The following GSE1 variants were observed in gnomAD, a reference collection of about 807,000 sequenced individuals.
GSE1 encodes Gse1 coiled-coil protein.
GSE1 carries 32 observed loss-of-function variants against 112.6 expected under a neutral mutation model. The ratio of observed to expected loss-of-function variants is 0.28; its 90% CI spans 0.21 to 0.38. GSE1 has a LOEUF of 0.38. Ranked by LOEUF, GSE1 falls within the 10% of genes least tolerant of loss-of-function variation. GSE1 has a pLI of 1.00. For missense variants in GSE1, 2,348 were observed against 1,699.2 expected (o/e 1.38, Z -6.71); for synonymous variants, 1,115 against 735.6 (o/e 1.52, Z -8.35).
At chr16:85,398,505 A>G (rs1413235930) in intron 2 of GSE1, among the ~76,000 whole-genome samples, 2 of 151,874 alleles carry the variant, frequency 1.3e-5, no homozygotes, top group Non-Finnish European at 2.9e-5. Context: ...TACCCCTGCA[A>G]CCCCCTGAGG....
chr16:85,506,479 G>A (rs1198612770), intron 2 of GSE1, among the ~76,000 whole-genome samples: 4 of 152,052 alleles, frequency 2.6e-5, no homozygotes, highest in Admixed American at 6.6e-5. Context: ...CAGGAAAAGG[G>A]GGCAAGACAA....
At chr16:85,255,982 C>A (rs1309863209) in intron 1 of GSE1, among the ~76,000 whole-genome samples, 79 of 152,232 alleles carry the variant, frequency 5.2e-4, no homozygotes, top group Non-Finnish European at 1.5e-5. Flanking sequence ...GCCACCACAC[C>A]CGGCCAGTGC....
rs145053691 is a variant in GSE1 at position 85,313,082 on chromosome 16, A to T, written c.2284-44381A>T. On this transcript the variant is annotated intron_variant, in intron 1 of 2. Transcript: ENST00000637419. Reference sequence around the variant, plus strand: ...CCCCAGCTCTGACACTCCAGTGCACACTCAGCCCTGGCCACAGCAGGAGGG... The same window carrying T: ...CCCCAGCTCTGACACTCCAGTGCACTCTCAGCCCTGGCCACAGCAGGAGGG... 1.9e-3 allele frequency among the ~76,000 whole-genome samples: 283 copies of T among 152,254 alleles called. 4 individuals are homozygous for T. Among genetic ancestry groups the T allele is most frequent in the Non-Finnish European group, 2.8e-3 (188 of 68,008 alleles).
intron 2 of GSE1, among the ~76,000 whole-genome samples, chr16:85,640,734 A>G (rs2050373740): frequency 6.6e-6 from 1 of 152,354 alleles, no homozygotes; most frequent in East Asian, 1.9e-4. Context: ...CCTCTCAAAG[A>G]AAACAGCAAA....
intron 2 of GSE1, among the ~76,000 whole-genome samples, chr16:85,536,329 CAG>C (rs2044325579): frequency 2.6e-5 from 4 of 152,194 alleles, no homozygotes; most frequent in Non-Finnish European, 5.9e-5. Flanking sequence ...CAGTAAGTAA[CAG>C]TGGAGTTGGC....
chr16:85,598,990 C>A (rs987428925), intron 1 of GSE1, among the ~76,000 whole-genome samples: 5 of 152,232 alleles, frequency 3.3e-5, no homozygotes, highest in African/African-American at 1.2e-4. Flanking sequence ...TCCTACTCCC[C>A]CTCAATTATT....
chr16:85,196,092 G>A (rs900312966), intron 1 of GSE1, among the ~76,000 whole-genome samples: 2 of 152,220 alleles, frequency 1.3e-5, no homozygotes, highest in Non-Finnish European at 2.9e-5. Context: ...AAAAACGAGG[G>A]CTCTAAATAG....
At chr16:85,638,818 C>T (rs8063078) in intron 2 of GSE1, among the ~76,000 whole-genome samples, 21,263 of 150,376 alleles carry the variant, frequency 0.14, 1,530 homozygotes, top group Admixed American at 0.2. Flanking sequence ...CCTGGGAGGG[C>T]GTGTGCTTCC....
intron 2 of GSE1, among the ~76,000 whole-genome samples, chr16:85,374,773 C>T (rs1244525625): frequency 2.0e-5 from 3 of 152,116 alleles, no homozygotes; most frequent in Non-Finnish European, 2.9e-5. Flanking sequence ...CACGCAGTTT[C>T]GGGACCCTCG....
intron 1 of GSE1, among the ~76,000 whole-genome samples, chr16:85,350,621 G>A (rs2046833542): frequency 1.3e-5 from 2 of 152,084 alleles, no homozygotes; most frequent in Non-Finnish European, 2.9e-5. Context: ...GGGGCCATGA[G>A]GTCACCGTGA....
At chr16:85,634,761 G>T in intron 2 of GSE1, among the ~76,000 whole-genome samples, 1 of 152,164 alleles carries the variant, frequency 6.6e-6, no homozygotes, top group East Asian at 1.9e-4. Context: ...CATTTTTCCT[G>T]TCTGTGCAGT....
At chr16:85,211,749 A>G (rs899220972) in intron 1 of GSE1, among the ~76,000 whole-genome samples, 18 of 152,222 alleles carry the variant, frequency 1.2e-4, no homozygotes, top group Admixed American at 3.3e-4. Context: ...CACCCGCGAG[A>G]GAGGTATCAG....
At chr16:85,479,875 C>A (rs974419628) in intron 2 of GSE1, among the ~76,000 whole-genome samples, 1 of 152,104 alleles carries the variant, frequency 6.6e-6, no homozygotes, top group Non-Finnish European at 1.5e-5. Context: ...GAGGCCCGGG[C>A]CCAGTGGCTT....
intron 1 of GSE1, among the ~76,000 whole-genome samples, chr16:85,614,273 C>T (rs1051329220): frequency 1.1e-4 from 16 of 152,168 alleles, no homozygotes; most frequent in Non-Finnish European, 2.4e-4. Context: ...GTGGCCCGAC[C>T]GAGTGGAGCC....
intron 1 of GSE1, among the ~76,000 whole-genome samples, chr16:85,600,811 C>A (rs2047431059): frequency 6.6e-6 from 1 of 152,256 alleles, no homozygotes; most frequent in East Asian, 1.9e-4. Context: ...GTTCCCGCAT[C>A]CTTTTTTGGC....
intron 2 of GSE1, among the ~76,000 whole-genome samples, chr16:85,519,250 AC>A (rs1310147339): frequency 7.4e-6 from 1 of 135,222 alleles, no homozygotes; most frequent in African/African-American, 2.5e-5. Flanking sequence ...CACCATCGTC[AC>A]TTTTACCACC....
intron 1 of GSE1, among the ~76,000 whole-genome samples, chr16:85,350,632 T>C (rs967898571): frequency 2.0e-5 from 3 of 152,170 alleles, no homozygotes; most frequent in Non-Finnish European, 2.9e-5. Context: ...GTCACCGTGA[T>C]GCTTTGATTC....
chr16:85,656,467 G>A lies in GSE1; in HGVS notation c.1114G>A (p.Glu372Lys). ...CGAACGCGAGAAGGAGCGCGAGCAA[G>A]AGAAGGAGCGTGAGCGTGAGAAGGA... Reference protein sequence around the residue: ...EREREKEREQEKEREREKERE... With the variant: ...EREREKEREQKKEREREKERE... Residue 372 changes from glutamate (E) to lysine (K), a missense_variant, in exon 7 of 16, where the codon GAG becomes AAG. Transcript: ENST00000253458. 1.3e-6 allele frequency: 2 copies of A among 1,547,246 alleles called. No homozygotes were observed. Among genetic ancestry groups the A allele is most frequent in the Non-Finnish European group, 1.7e-6 (2 of 1,143,212 alleles).
chr16:85,186,327 G>A (rs575579172), intron 1 of GSE1, among the ~76,000 whole-genome samples: 13 of 152,170 alleles, frequency 8.5e-5, no homozygotes, highest in South Asian at 8.3e-4. Flanking sequence ...AAAATTGTCC[G>A]GGTGCGGTCG....
Sources: allele counts gnomAD v4.1 joint callset (sites outside exome capture counted in the v4.1 genomes callset), GRCh38; gene constraint gnomAD v4.1.1; transcripts MANE v1.5; gene names NCBI Gene and HGNC (gene_info 2026-07-23, HGNC 2026-07-21).